The following IL3RA variants were observed in gnomAD, a reference collection of about 807,000 sequenced individuals.
IL3RA encodes the protein interleukin 3 receptor subunit alpha.
In IL3RA, 73 loss-of-function variants were observed where a neutral mutation model predicts 52.3. That is an observed-to-expected ratio of 1.40 (90% CI 1.16 to 1.70). The LOEUF (loss-of-function observed/expected upper bound fraction) is 1.70, where lower values mean the gene tolerates loss of function less well. Ranked by LOEUF, IL3RA falls within the 40% of genes most tolerant of loss-of-function variation. The probability of loss-of-function intolerance (pLI) is 0.00; values close to 1 mark genes in which losing one functional copy is unlikely to be tolerated. For missense variants in IL3RA, 664 were observed against 504.4 expected, an observed-to-expected ratio of 1.32 and a Z score of -3.03; for synonymous variants, 260 against 194.0, an observed-to-expected ratio of 1.34 and a Z score of -2.83.
intron 2 of IL3RA, among the ~76,000 whole-genome samples, chrX:1,342,935 C>CT (rs1296110735): frequency 6.6e-6 from 1 of 150,706 alleles, no homozygotes; most frequent in African/African-American, 2.4e-5. Flanking sequence ...ATCAGCTGGG[C>CT]GTGGTGGCGG....
chrX:1,353,641 TGGGTTCC>T (rs2086323596), intron 6 of IL3RA, among the ~76,000 whole-genome samples: 4 of 29,642 alleles, frequency 1.3e-4, no homozygotes, highest in African/African-American at 5.9e-4. Context: ...CCCCCCATCA[TGGGTTCC>T]ATCACGGGTC....
intron 9 of IL3RA, 23 bp downstream of exon 9, chrX:1,365,275 G>T: frequency 7.1e-7 from 1 of 1,403,930 alleles, no homozygotes; most frequent in Non-Finnish European, 9.9e-7. Context: ...TGCGGGGTGC[G>T]CGGGGTGAGC....
intron 7 of IL3RA, among the ~76,000 whole-genome samples, chrX:1,358,599 C>T (rs1365905395): frequency 6.6e-6 from 1 of 152,182 alleles, no homozygotes; most frequent in Non-Finnish European, 1.5e-5. Context: ...GCGGAGGTTG[C>T]AGTGAGCCGA....
intron 9 of IL3RA, among the ~76,000 whole-genome samples, chrX:1,368,376 G>A (rs1338974027): frequency 6.6e-6 from 1 of 152,084 alleles, no homozygotes; most frequent in East Asian, 1.9e-4. Context: ...CCTGAGGTCA[G>A]GAGTTCGAGA....
intron 6 of IL3RA, among the ~76,000 whole-genome samples, chrX:1,355,439 G>GA: frequency 8.0e-6 from 1 of 124,858 alleles, no homozygotes; most frequent in African/African-American, 3.1e-5. Flanking sequence ...GGGAGGGGAG[G>GA]GGAGAAAGAC....
chrX:1,367,428 C>A (rs866165196), intron 9 of IL3RA, among the ~76,000 whole-genome samples: 1 of 36,362 alleles, frequency 2.8e-5, no homozygotes, highest in Non-Finnish European at 4.7e-5. Context: ...GCGCGGGGTG[C>A]GCGGGGTGAG....
At position 1,348,665 on chromosome X, in the gene IL3RA, T is replaced by TC; in HGVS notation, c.298+121dup. ...TTTTCTCTTTCTTTCTTTCTTTCTTTCTTTCTTTCTTTCTTTCTTTCTTTC... is the reference window on the plus strand; with the variant it reads ...TTTTCTCTTTCTTTCTTTCTTTCTTTCCTTTCTTTCTTTCTTTCTTTCTTTC... On this transcript the variant is annotated intron_variant, in intron 4 of 11. Coordinates refer to ENST00000331035, the MANE Select transcript of IL3RA (RefSeq NM_002183.4). 6.6e-6 allele frequency: 3 copies of TC among 452,952 alleles called. 1 individual carries two copies. The highest frequency in any genetic ancestry group is 1.1e-3 in the Middle Eastern group (2 of 1,764). 28.1% of individuals were successfully genotyped at this position (452,952 alleles called of 1,614,324 possible).
chrX:1,378,658 G>C lies in IL3RA; in HGVS notation c.875-1G>C. ...GTGACCCTCTCACCCTTTACCCCTA[G>C]AGTGCGACCAGGAGGAGGGCGCAAA... On this transcript the variant is annotated splice_acceptor_variant, in intron 9 of 11. Transcript: ENST00000331035. LOFTEE classifies it high-confidence loss of function. The C allele has an allele frequency of 6.2e-7, 1 of 1,612,042 alleles. No individual in the cohort carries two copies. Among genetic ancestry groups the C allele is most frequent in the Non-Finnish European group, 8.5e-7 (1 of 1,179,646 alleles).
At chrX:1,349,450 G>C (rs1326502843) in intron 4 of IL3RA, among the ~76,000 whole-genome samples, 2 of 151,890 alleles carry the variant, frequency 1.3e-5, no homozygotes, top group Non-Finnish European at 2.9e-5. Context: ...AAAGTGCTGG[G>C]AGTACAGGGG....
In IL3RA at chrX:1,347,847, G is replaced by A. The variant is rs1435309960; in HGVS notation, c.184-584G>A. ...AGGTCAGGAGATCGAGACCCTCCTGGCTAACACGGTGAAACCCCGTCTCTA... is the reference window on the plus strand; with the variant it reads ...AGGTCAGGAGATCGAGACCCTCCTGACTAACACGGTGAAACCCCGTCTCTA... On this transcript the variant is annotated intron_variant, in intron 3 of 11. Transcript: ENST00000331035. 4.7e-4 allele frequency among the ~76,000 whole-genome samples: 69 copies of A among 148,144 alleles called. 2 individuals are homozygous for A. Among genetic ancestry groups the A allele is most frequent in the Admixed American group, 4.4e-3 (65 of 14,764 alleles).
In IL3RA at chrX:1,347,229, A is replaced by C. The variant is rs188666733; in HGVS notation, c.184-1202A>C. On this transcript the variant is annotated intron_variant, in intron 3 of 11. Coordinates refer to ENST00000331035, the MANE Select transcript of IL3RA (RefSeq NM_002183.4). ...TGGAGGCCGAGGCGGGTGGATCACG[A>C]GGTCAGGAGATCGAGACCCTCCTGG... Among the ~76,000 whole-genome samples, 301 of 150,628 alleles carry C rather than the reference A, an allele frequency of 2.0e-3. 12 individuals are homozygous for C. The highest frequency in any genetic ancestry group is 7.0e-3 in the African/African-American group (281 of 40,410).
chrX:1,355,580 G>GT, intron 6 of IL3RA, among the ~76,000 whole-genome samples: 1 of 151,032 alleles, frequency 6.6e-6, no homozygotes, highest in East Asian at 2.0e-4. Flanking sequence ...ACCTGAGGAT[G>GT]TGGAAGTGCC....
chrX:1,368,128 G>C (rs1176484600), intron 9 of IL3RA, among the ~76,000 whole-genome samples: 3 of 152,104 alleles, frequency 2.0e-5, no homozygotes, highest in Non-Finnish European at 4.4e-5. Context: ...GCGTGGTGAT[G>C]GGCGCCTGTA....
chrX:1,354,271 G>A (rs2086442096), intron 6 of IL3RA, among the ~76,000 whole-genome samples: 1 of 152,134 alleles, frequency 6.6e-6, no homozygotes. Context: ...AGGGGTTAGA[G>A]CTTCAGTGGA....
At chrX:1,344,559 G>C (rs183277495) in intron 2 of IL3RA, among the ~76,000 whole-genome samples, 5 of 151,616 alleles carry the variant, frequency 3.3e-5, no homozygotes, top group Admixed American at 2.0e-4. Context: ...CAGATCACGA[G>C]GTCAGGAGAT....
rs1303440932 is a variant in IL3RA, at chrX:1,376,830, T to G, written c.875-1829T>G. On this transcript the variant is annotated intron_variant, in intron 9 of 11. Transcript: ENST00000331035. ...ACTAAGACATCCCATAAAAAGGAGA[T>G]GAGGACACAGACACACACGGAGGGA... Among the ~76,000 whole-genome samples, 2 of 57,932 alleles carry G rather than the reference T, an allele frequency of 3.5e-5. 1 individual carries two copies. The highest frequency in any genetic ancestry group is 5.8e-5 in the Non-Finnish European group (2 of 34,356). The allele number at this position is 57,932 out of a possible 152,430, so 38.0% of individuals were successfully genotyped here.
chrX:1,378,434 T>C (rs1455574551), intron 9 of IL3RA, among the ~76,000 whole-genome samples: 1 of 152,132 alleles, frequency 6.6e-6, no homozygotes, highest in African/African-American at 2.4e-5. Flanking sequence ...AGACTGGGGC[T>C]GGGAGGTCCG....
At chrX:1,349,823 C>T (rs866948366) in intron 4 of IL3RA, among the ~76,000 whole-genome samples, 46 of 151,460 alleles carry the variant, frequency 3.0e-4, no homozygotes, top group African/African-American at 9.9e-4. Context: ...CCACCAAGCC[C>T]GGCTAAATTT....
intron 9 of IL3RA, 97 bp from the exon 10 acceptor site, chrX:1,378,562 C>A (rs2088957768): frequency 3.8e-6 from 4 of 1,057,256 alleles, no homozygotes; most frequent in Non-Finnish European, 5.7e-6. Flanking sequence ...CATATGGCAG[C>A]CACCTCTCTG....
Sources: allele counts gnomAD v4.1 joint callset (sites outside exome capture counted in the v4.1 genomes callset), GRCh38; gene constraint gnomAD v4.1.1; transcripts MANE v1.5; gene names NCBI Gene and HGNC (gene_info 2026-07-23, HGNC 2026-07-21).